GABARAPL1: variants seen among roughly 807,000 people sequenced by gnomAD.
GABARAPL1 encodes the protein GABA type A receptor associated protein like 1, also known as gamma-aminobutyric acid receptor-associated protein-like 1.
Under a neutral mutation model 14.5 loss-of-function variants are expected in GABARAPL1, and 4 were observed. The ratio of observed to expected loss-of-function variants is 0.28; its 90% CI spans 0.14 to 0.63. The LOEUF (loss-of-function observed/expected upper bound fraction) is 0.63, where lower values mean the gene tolerates loss of function less well. Among genes scored for constraint, GABARAPL1 ranks in the 30% least tolerant of loss-of-function variants. The probability of loss-of-function intolerance (pLI) is 0.84; values close to 1 mark genes in which losing one functional copy is unlikely to be tolerated. For synonymous variants in GABARAPL1, 47 were observed against 50.6 expected, an observed-to-expected ratio of 0.93 and a Z score of 0.30; for missense variants, 82 against 139.2, an observed-to-expected ratio of 0.59 and a Z score of 2.07.
In GABARAPL1 at chr12:10,212,878, T is replaced by G; in HGVS notation, c.-252T>G. The G allele has an allele frequency of 5.5e-6, 2 of 363,258 alleles. No individual in the cohort carries two copies. The highest frequency in any genetic ancestry group is 1.0e-5 in the Non-Finnish European group (2 of 196,284). 22.5% of individuals were successfully genotyped at this position (363,258 alleles called of 1,614,324 possible). A position where few individuals can be genotyped will look rare whatever the true frequency, so the allele number is the denominator to read the frequency against. ...CACAGCCCGACGCGCCACCCAGCTG[T>G]TTTTGTGCTCCCAGCTCTAGCGAAA... is the stretch of plus-strand genomic sequence containing the variant. On this transcript the variant is annotated 5_prime_UTR_variant, in exon 1 of 4. Coordinates refer to ENST00000266458, the MANE Select transcript of GABARAPL1 (RefSeq NM_031412.4).
chr12:10,220,054 T>C (rs964226839), intron 2 of GABARAPL1, among the ~76,000 whole-genome samples: 3 of 152,144 alleles, frequency 2.0e-5, no homozygotes, highest in Non-Finnish European at 4.4e-5. Context: ...TTGCTAAGTT[T>C]TTCTTAGGGA....
intron 1 of GABARAPL1, chr12:10,214,556 A>T (rs1328195777): frequency 6.6e-6 from 1 of 152,236 alleles, no homozygotes; most frequent in Non-Finnish European, 1.5e-5. Flanking sequence ...TCTTTTGAGC[A>T]ATGATATTTA....
intron 1 of GABARAPL1, among the ~76,000 whole-genome samples, chr12:10,217,497 C>T (rs1177681771): frequency 6.6e-6 from 1 of 152,098 alleles, no homozygotes; most frequent in Admixed American, 6.5e-5. Flanking sequence ...TTTGGGAGGC[C>T]AAGGCAGGCA....
chr12:10,221,655 T>G, intron 3 of GABARAPL1, 132 bp from the exon 4 acceptor site: 1 of 1,078,070 alleles, frequency 9.3e-7, no homozygotes, highest in East Asian at 2.6e-5. Context: ...CTTCTCCCTA[T>G]CCTTTGCTCC....
intron 1 of GABARAPL1, among the ~76,000 whole-genome samples, chr12:10,215,657 ACTTT>A (rs1949083818): frequency 3.3e-5 from 5 of 150,942 alleles, no homozygotes; most frequent in Admixed American, 2.6e-4. Flanking sequence ...CTGCTTTATC[ACTTT>A]CTTTATCTGT....
At chr12:10,215,457 C>T (rs1376010108) in intron 1 of GABARAPL1, among the ~76,000 whole-genome samples, 2 of 152,140 alleles carry the variant, frequency 1.3e-5, no homozygotes, top group Non-Finnish European at 2.9e-5. Flanking sequence ...GAGTATTAGT[C>T]ACATTTTACA....
chr12:10,222,487 A>C lies in GABARAPL1; in HGVS notation c.*635A>C, dbSNP rs968088613. ...CTCTTACCTTTGGAAAATAGGGGTT[A>C]GGCATGAAGGTGGTTGTGATTAAGA... is the stretch of plus-strand genomic sequence containing the variant. On this transcript the variant is annotated 3_prime_UTR_variant, in exon 4 of 4. Coordinates refer to ENST00000266458, the MANE Select transcript of GABARAPL1 (RefSeq NM_031412.4). 1.3e-5 allele frequency: 2 copies of C among 153,180 alleles called. No individual in the cohort carries two copies. The highest frequency in any genetic ancestry group is 2.9e-5 in the Non-Finnish European group (2 of 68,464). The allele number at this position is 153,180 out of a possible 1,614,324, so 9.5% of individuals were successfully genotyped here.
At position 10,218,923 on chromosome 12, in the gene GABARAPL1, G is replaced by C. The variant is rs576175404; in HGVS notation, c.169+782G>C. Among the ~76,000 whole-genome samples the C allele has an allele frequency of 1.1e-4, 17 of 151,912 alleles. No homozygotes were observed. In the East Asian group the frequency reaches 3.2e-3, roughly 29 times the overall value. On this transcript the variant is annotated intron_variant, in intron 2 of 3. Transcript: ENST00000266458. ...GACAGGGTTTCACCATGTTGGCCAG[G>C]CTGGTCTTGAACTGCTGAACTCAGG...
Position 10,221,939 on chromosome 12 carries a change from C to A in GABARAPL1, c.*87C>A, listed in dbSNP as rs1949122020. On this transcript the variant is annotated 3_prime_UTR_variant, in exon 4 of 4. Transcript: ENST00000266458. ...CGCGACATGGGGAAAGAGGGTGGCT[C>A]CCACCGCAAGGAGACAGAAGGTGAA... 2 of 1,190,502 alleles carry A rather than the reference C, an allele frequency of 1.7e-6. No homozygotes were observed. Among genetic ancestry groups the A allele is most frequent in the East Asian group, 4.7e-5 (2 of 42,746 alleles). The allele number at this position is 1,190,502 out of a possible 1,614,324, so 73.7% of individuals were successfully genotyped here.
chr12:10,215,068 T>G (rs1476075750), intron 1 of GABARAPL1, among the ~76,000 whole-genome samples: 2 of 152,206 alleles, frequency 1.3e-5, no homozygotes, highest in Non-Finnish European at 2.9e-5. Flanking sequence ...GTGACCAGTC[T>G]GTGACCTTCT....
Position 10,213,177 on chromosome 12 carries a change from G to C in GABARAPL1, c.48G>C (p.Lys16Asn), listed in dbSNP as rs150469527. The change falls in exon 1 of 4, where the codon AAG becomes AAC. Residue 16 changes from lysine to asparagine, a missense_variant. Lys to Asn is a moderately conservative substitution (Grantham distance 94). Around this residue, in one of 3 missense-constraint regions of GABARAPL1, gnomAD observed 16 missense variants for 18.0 expected, o/e 0.89. Transcript: ENST00000266458. The part of the protein sequence containing the change: ...KEDHPFEYRK[K>N]EGEKIRKKYP... The stretch of plus-strand genomic sequence containing the variant: ...ACCATCCCTTTGAGTATCGGAAAAA[G>C]GAAGGAGAAAAGATCCGGAAGAAAT... 2 of 1,586,896 alleles carry C rather than the reference G, an allele frequency of 1.3e-6. No homozygotes were observed. The highest frequency in any genetic ancestry group is 2.3e-5 in the South Asian group (2 of 86,784).
chr12:10,220,512 A>C lies in GABARAPL1; in HGVS notation c.242A>C (p.Asn81Thr). Residue 81 changes from asparagine (N) to threonine (T), a missense_variant, in exon 3 of 4, where the codon AAC becomes ACC. This residue lies in a region of GABARAPL1 where 65 missense variants were observed against 103.7 expected (regional missense o/e 0.63). Coordinates refer to ENST00000266458, the MANE Select transcript of GABARAPL1 (RefSeq NM_031412.4). ...RPEDALFFFVNNTIPPTSATM... is the reference protein window; with the variant it reads ...RPEDALFFFVTNTIPPTSATM... ...GAGGACGCCTTATTCTTCTTTGTCA[A>C]CAACACCATCCCTCCCACCAGTGCT... The C allele has an allele frequency of 6.2e-7, 1 of 1,613,898 alleles. No individual in the cohort carries two copies.
intron 2 of GABARAPL1, among the ~76,000 whole-genome samples, chr12:10,219,629 G>A (rs984369447): frequency 2.0e-5 from 3 of 151,884 alleles, no homozygotes; most frequent in Middle Eastern, 3.4e-3. Flanking sequence ...GTGAAACCCC[G>A]TCTCTACTAA....
chr12:10,215,666 A>C (rs11833542), intron 1 of GABARAPL1, among the ~76,000 whole-genome samples: 1 of 151,054 alleles, frequency 6.6e-6, no homozygotes, highest in East Asian at 1.9e-4. Flanking sequence ...CACTTTCTTT[A>C]TCTGTCTTCC....
At chr12:10,216,315 G>A (rs113806306) in intron 1 of GABARAPL1, among the ~76,000 whole-genome samples, 3,832 of 151,972 alleles carry the variant, frequency 0.025, 163 homozygotes, top group African/African-American at 0.087. Flanking sequence ...AGGTTGCAGT[G>A]ATCCGAGATC....
chr12:10,214,450 CTAA>C (rs1419596382), intron 1 of GABARAPL1: 1 of 152,254 alleles, frequency 6.6e-6, no homozygotes, highest in Non-Finnish European at 1.5e-5. Flanking sequence ...GAGGGGTGAG[CTAA>C]TCCCTTACTC....
chr12:10,213,493 C>T (rs1473793142), intron 1 of GABARAPL1: 2 of 440,756 alleles, frequency 4.5e-6, no homozygotes, highest in African/African-American at 2.0e-5. Flanking sequence ...AACCCACACA[C>T]GGTCTCAGCA....
At position 10,220,230 on chromosome 12, in the gene GABARAPL1, A is replaced by G. The variant is rs530369321; in HGVS notation, c.170-210A>G. 3.3e-5 allele frequency among the ~76,000 whole-genome samples: 5 copies of G among 152,320 alleles called. No individual in the cohort carries two copies. The East Asian group carries it at 7.7e-4, about 24-fold the overall frequency. On this transcript the variant is annotated intron_variant, in intron 2 of 3. Coordinates refer to ENST00000266458, the MANE Select transcript of GABARAPL1 (RefSeq NM_031412.4). ...GGGGAAAGGAGGAATAAATTCCACT[A>G]TGGCAAGTCAGGGACTGTGTGGGCT...
chr12:10,214,936 T>C (rs879489929), intron 1 of GABARAPL1, among the ~76,000 whole-genome samples: 1 of 152,256 alleles, frequency 6.6e-6, no homozygotes, highest in Non-Finnish European at 1.5e-5. Flanking sequence ...TCTGTTCTTT[T>C]CCTGCTCATA....
Sources: allele counts gnomAD v4.1 joint callset (sites outside exome capture counted in the v4.1 genomes callset), GRCh38; gene constraint gnomAD v4.1.1; regional missense constraint gnomAD v4.1.1; transcripts MANE v1.5; gene names NCBI Gene and HGNC (gene_info 2026-07-23, HGNC 2026-07-21).